Variants in SCMH1 observed in about 807,000 individuals in gnomAD.
The protein encoded by SCMH1 is Scm polycomb group protein homolog 1, also known as polycomb protein SCMH1.
In SCMH1, 37 loss-of-function variants were observed where a neutral mutation model predicts 70.8. That is an observed-to-expected ratio of 0.52 (90% CI 0.40 to 0.69). SCMH1 has a LOEUF of 0.69. Among genes scored for constraint, SCMH1 ranks in the 30% least tolerant of loss-of-function variants. The pLI, the probability that SCMH1 is intolerant of heterozygous loss-of-function variation, is 0.00. For synonymous variants in SCMH1, 292 were observed against 307.4 expected (o/e 0.95, Z 0.52); for missense variants, 607 against 827.3 (o/e 0.73, Z 3.27).
chr1:41,126,732 C>G (rs556112721), intron 6 of SCMH1, among the ~76,000 whole-genome samples: 2 of 152,198 alleles, frequency 1.3e-5, no homozygotes, highest in South Asian at 4.1e-4. Flanking sequence ...TTACACAGAT[C>G]TTCCTCATTC....
chr1:41,152,366 A>C (rs1356318036), intron 4 of SCMH1, among the ~76,000 whole-genome samples: 1 of 152,224 alleles, frequency 6.6e-6, no homozygotes, highest in Non-Finnish European at 1.5e-5. Context: ...ATAGTAAATA[A>C]GAACAAGCTG....
intron 12 of SCMH1, among the ~76,000 whole-genome samples, chr1:41,044,323 AAGCAAAAGAC>A (rs1646628637): frequency 6.6e-6 from 1 of 152,188 alleles, no homozygotes; most frequent in African/African-American, 2.4e-5. Flanking sequence ...CCAAAGGGCA[AAGCAAAAGAC>A]AGCTCTTGTA....
chr1:41,048,647 G>T, intron 11 of SCMH1, 43 bp downstream of exon 11: 1 of 1,547,478 alleles, frequency 6.5e-7, no homozygotes, highest in Non-Finnish European at 8.9e-7. Context: ...TGAGAAGGTG[G>T]GTCCTTCTGG....
intron 2 of SCMH1, among the ~76,000 whole-genome samples, chr1:41,168,603 A>G (rs1253947748): frequency 6.9e-6 from 1 of 145,830 alleles, no homozygotes; most frequent in African/African-American, 2.5e-5. Context: ...GGTAAATCAC[A>G]TATCTCTATT....
At chr1:41,046,135 CAGAAG>C (rs1004041608) in intron 12 of SCMH1, among the ~76,000 whole-genome samples, 1 of 152,108 alleles carries the variant, frequency 6.6e-6, no homozygotes, top group African/African-American at 2.4e-5. Context: ...GTCTGAAACT[CAGAAG>C]GGGAATTGCG....
At chr1:41,161,074 CT>C (rs1645983912) in intron 3 of SCMH1, among the ~76,000 whole-genome samples, 176 bp from the exon 4 acceptor site, 1 of 152,170 alleles carries the variant, frequency 6.6e-6, no homozygotes, top group Non-Finnish European at 1.5e-5. Context: ...CCAATTTTGC[CT>C]ATTCCCAAGC....
intron 2 of SCMH1, among the ~76,000 whole-genome samples, chr1:41,177,538 C>G (rs1477449243): frequency 6.6e-6 from 1 of 152,074 alleles, no homozygotes; most frequent in African/African-American, 2.4e-5. Flanking sequence ...GCAGAGAAGT[C>G]CTTAAAGGAC....
At chr1:41,148,123 C>T (rs2148291046) in intron 5 of SCMH1, among the ~76,000 whole-genome samples, 1 of 152,214 alleles carries the variant, frequency 6.6e-6, no homozygotes, top group East Asian at 1.9e-4. Context: ...CCACAGTCTA[C>T]CTTATCAAGT....
At chr1:41,146,912 A>T (rs943421310) in intron 5 of SCMH1, among the ~76,000 whole-genome samples, 3 of 152,026 alleles carry the variant, frequency 2.0e-5, no homozygotes, top group Non-Finnish European at 4.4e-5. Flanking sequence ...ATGAATCAAA[A>T]TTTTGGTCAG....
At chr1:41,153,850 A>G (rs1489488726) in intron 4 of SCMH1, among the ~76,000 whole-genome samples, 2 of 152,216 alleles carry the variant, frequency 1.3e-5, no homozygotes, top group Non-Finnish European at 2.9e-5. Flanking sequence ...AGCCAGACAT[A>G]ATATTCTGCC....
At chr1:41,158,582 G>A (rs1645756171) in intron 4 of SCMH1, among the ~76,000 whole-genome samples, 1 of 152,208 alleles carries the variant, frequency 6.6e-6, no homozygotes, top group Non-Finnish European at 1.5e-5. Context: ...TGGCTGCTGG[G>A]TGGAGTTTAC....
chr1:41,171,056 T>A (rs757293297), intron 2 of SCMH1, among the ~76,000 whole-genome samples: 1 of 152,198 alleles, frequency 6.6e-6, no homozygotes, highest in Non-Finnish European at 1.5e-5. Context: ...CTTATTTGCA[T>A]AGAAATTATG....
intron 1 of SCMH1, among the ~76,000 whole-genome samples, chr1:41,223,642 C>T (rs773153344): frequency 6.6e-6 from 1 of 151,904 alleles, no homozygotes; most frequent in Non-Finnish European, 1.5e-5. Context: ...TAGGTTTAAT[C>T]GTTGCTCAGT....
At chr1:41,199,233 T>C (rs982179912) in intron 1 of SCMH1, among the ~76,000 whole-genome samples, 9 of 152,160 alleles carry the variant, frequency 5.9e-5, no homozygotes, top group African/African-American at 2.2e-4. Context: ...ATTTTTATAA[T>C]GTACCTCCAA....
intron 5 of SCMH1, among the ~76,000 whole-genome samples, chr1:41,144,064 C>G (rs189736940): frequency 9.7e-4 from 147 of 152,062 alleles, no homozygotes; most frequent in African/African-American, 3.2e-3. Context: ...GCACAAATAC[C>G]TAGGAGTGAA....
chr1:41,087,097 T>C (rs932578112), intron 8 of SCMH1, among the ~76,000 whole-genome samples: 1 of 152,026 alleles, frequency 6.6e-6, no homozygotes, highest in Non-Finnish European at 1.5e-5. Flanking sequence ...ATCTGGGATA[T>C]GATAAAAGCA....
rs1028835557 is a variant in SCMH1, at chr1:41,155,519, C to T, written c.107-3835G>A. Among the ~76,000 whole-genome samples the T allele has an allele frequency of 3.3e-5, 5 of 151,976 alleles. No homozygotes were observed. In the East Asian group the frequency reaches 9.6e-4, roughly 29 times the overall value. On this transcript the variant is annotated intron_variant, in intron 4 of 14. Transcript: ENST00000337495. ...TCCACATGGAGCAAAAACAAACAAA[C>T]AAACAAACAAACAAATACGTCAGCT...
At chr1:41,228,699 A>G (rs1260984736) in intron 1 of SCMH1, among the ~76,000 whole-genome samples, 10 of 151,990 alleles carry the variant, frequency 6.6e-5, no homozygotes, top group Admixed American at 5.9e-4. Flanking sequence ...GTGAGCCGTG[A>G]TCACATCACT....
intron 9 of SCMH1, among the ~76,000 whole-genome samples, chr1:41,072,674 C>A (rs549818041): frequency 2.6e-5 from 4 of 152,098 alleles, no homozygotes; most frequent in African/African-American, 9.7e-5. Flanking sequence ...CCAGCCTGGG[C>A]AACATAGCAA....
Sources: allele counts gnomAD v4.1 joint callset (sites outside exome capture counted in the v4.1 genomes callset), GRCh38; gene constraint gnomAD v4.1.1; transcripts MANE v1.5; gene names NCBI Gene and HGNC (gene_info 2026-07-23, HGNC 2026-07-21).